Variants in LRMDA observed in about 807,000 individuals in gnomAD.
The protein encoded by LRMDA is leucine rich melanocyte differentiation associated, also known as leucine-rich melanocyte differentiation-associated protein.
In LRMDA, 18 loss-of-function variants were observed where a neutral mutation model predicts 29.8. The observed-to-expected ratio is 0.60, with a 90% CI of 0.42 to 0.90. The LOEUF (loss-of-function observed/expected upper bound fraction) is 0.90, where lower values mean the gene tolerates loss of function less well. LRMDA is among the 40% of genes least tolerant of loss of function. The pLI, the probability that LRMDA is intolerant of heterozygous loss-of-function variation, is 0.00. For missense variants in LRMDA, 273 were observed against 273.9 expected (o/e 1.00, Z 0.02); for synonymous variants, 125 against 109.4 (o/e 1.14, Z -0.89).
At chr10:76,509,403 T>A (rs1842987804) in intron 6 of LRMDA, among the ~76,000 whole-genome samples, 1 of 152,192 alleles carries the variant, frequency 6.6e-6, no homozygotes, top group African/African-American at 2.4e-5. Context: ...GGCTCACATT[T>A]CAAAACACCT....
intron 2 of LRMDA, among the ~76,000 whole-genome samples, chr10:75,498,482 G>T (rs1189581593): frequency 6.6e-6 from 1 of 152,192 alleles, no homozygotes; most frequent in Non-Finnish European, 1.5e-5. Context: ...GTGTGCATGC[G>T]TGCGTGTGTG....
chr10:76,019,992 C>A (rs7916249), intron 2 of LRMDA, among the ~76,000 whole-genome samples: 1 of 152,016 alleles, frequency 6.6e-6, no homozygotes, highest in Admixed American at 6.5e-5. Flanking sequence ...TGGTCACTCC[C>A]CTTGATTCCA....
intron 2 of LRMDA, among the ~76,000 whole-genome samples, chr10:75,773,829 C>G (rs1167187059): frequency 6.6e-6 from 1 of 152,200 alleles, no homozygotes; most frequent in Non-Finnish European, 1.5e-5. Context: ...TTGAGTTCTT[C>G]CTGCTCTAAT....
intron 3 of LRMDA, among the ~76,000 whole-genome samples, chr10:76,041,570 G>T (rs993395200): frequency 6.6e-6 from 1 of 152,194 alleles, no homozygotes; most frequent in African/African-American, 2.4e-5. Context: ...TATGGAGGTT[G>T]CCCTTTAACC....
At chr10:75,763,103 A>T (rs80255015) in intron 2 of LRMDA, among the ~76,000 whole-genome samples, 2,169 of 152,292 alleles carry the variant, frequency 0.014, 56 homozygotes, top group African/African-American at 0.05. Context: ...GGTGTCTTGG[A>T]TAATTTAATT....
chr10:76,278,426 A>G (rs1840162662), intron 5 of LRMDA, among the ~76,000 whole-genome samples: 1 of 152,198 alleles, frequency 6.6e-6, no homozygotes, highest in South Asian at 2.1e-4. Flanking sequence ...TAAAACTGTG[A>G]TATTATCATC....
chr10:75,611,000 T>C (rs1841023813), intron 2 of LRMDA, among the ~76,000 whole-genome samples: 1 of 152,094 alleles, frequency 6.6e-6, no homozygotes, highest in Admixed American at 6.6e-5. Context: ...GGTGACAGCA[T>C]GCCTCTACTC....
At chr10:75,720,805 A>G (rs1269215514) in intron 2 of LRMDA, among the ~76,000 whole-genome samples, 1 of 151,916 alleles carries the variant, frequency 6.6e-6, no homozygotes, top group Non-Finnish European at 1.5e-5. Context: ...TAGACCTCTG[A>G]CAATGCAGGA....
At chr10:76,007,031 T>TGC (rs796539226) in intron 2 of LRMDA, among the ~76,000 whole-genome samples, 270 of 26,960 alleles carry the variant, frequency 0.01, 2 homozygotes, top group Non-Finnish European at 0.017. Context: ...TGTGTGTGTG[T>TGC]GCGCGTGTGT....
intron 2 of LRMDA, among the ~76,000 whole-genome samples, chr10:75,498,996 G>A (rs1845080694): frequency 6.6e-6 from 1 of 152,100 alleles, no homozygotes; most frequent in Non-Finnish European, 1.5e-5. Context: ...CTGTGTGCAG[G>A]ACCAGGTGAG....
intron 2 of LRMDA, among the ~76,000 whole-genome samples, chr10:75,779,814 G>A (rs1163603262): frequency 6.6e-6 from 1 of 151,786 alleles, no homozygotes; most frequent in Non-Finnish European, 1.5e-5. Flanking sequence ...GGAGTGAATT[G>A]AATAGTGACC....
rs548448275 is a variant in LRMDA at position 75,719,119 on chromosome 10, A to G, written c.131+280625A>G. Among the ~76,000 whole-genome samples the G allele has an allele frequency of 5.3e-5, 8 of 152,346 alleles. No homozygotes were observed. In the East Asian group the frequency reaches 1.2e-3, roughly 22 times the overall value. On this transcript the variant is annotated intron_variant, in intron 2 of 6. Coordinates refer to ENST00000611255, the MANE Select transcript of LRMDA (RefSeq NM_001305581.2). ...TACAGCAAACATTGCAAGATTGACA[A>G]TTGTGTAATAGATGCATAACATGTC... is the stretch of plus-strand genomic sequence containing the variant.
intron 2 of LRMDA, among the ~76,000 whole-genome samples, chr10:75,445,717 G>A (rs1051431787): frequency 2.0e-5 from 3 of 152,216 alleles, no homozygotes; most frequent in Admixed American, 2.0e-4. Flanking sequence ...TGAGTGGGCT[G>A]CCTGCTTAGC....
At chr10:76,489,869 T>C (rs545999168) in intron 6 of LRMDA, among the ~76,000 whole-genome samples, 2 of 152,000 alleles carry the variant, frequency 1.3e-5, no homozygotes, top group African/African-American at 2.4e-5. Flanking sequence ...TTGACACTCA[T>C]TCTCTCTCCT....
intron 2 of LRMDA, among the ~76,000 whole-genome samples, chr10:76,030,543 C>A (rs1194276449): frequency 6.6e-6 from 1 of 152,190 alleles, no homozygotes; most frequent in African/African-American, 2.4e-5. Flanking sequence ...ATAATCCCAG[C>A]ACTTTGGGAG....
chr10:76,100,820 G>T (rs769454578), intron 5 of LRMDA, among the ~76,000 whole-genome samples: 22 of 152,120 alleles, frequency 1.4e-4, no homozygotes, highest in African/African-American at 4.3e-4. Context: ...AGAATTGAGG[G>T]TAGCTTTCCC....
chr10:76,471,030 A>G (rs1024620306), intron 6 of LRMDA, among the ~76,000 whole-genome samples: 1 of 151,954 alleles, frequency 6.6e-6, no homozygotes, highest in Non-Finnish European at 1.5e-5. Flanking sequence ...TAAATGTAAT[A>G]TATTTGACAG....
intron 2 of LRMDA, among the ~76,000 whole-genome samples, chr10:75,733,354 T>C (rs1842722316): frequency 6.6e-6 from 1 of 152,228 alleles, no homozygotes; most frequent in Non-Finnish European, 1.5e-5. Context: ...TGGGTAATTT[T>C]CTGTGGTTTG....
At chr10:75,463,792 C>G (rs772431024) in intron 2 of LRMDA, among the ~76,000 whole-genome samples, 2 of 152,136 alleles carry the variant, frequency 1.3e-5, no homozygotes, top group Non-Finnish European at 2.9e-5. Context: ...CTTAGCCTCC[C>G]GAGTAGCTAG....
Sources: allele counts gnomAD v4.1 joint callset (sites outside exome capture counted in the v4.1 genomes callset), GRCh38; gene constraint gnomAD v4.1.1; transcripts MANE v1.5; gene names NCBI Gene and HGNC (gene_info 2026-07-23, HGNC 2026-07-21).